The following TENM4 variants were observed in gnomAD, a reference collection of about 807,000 sequenced individuals.
TENM4 encodes teneurin transmembrane protein 4.
In TENM4, 82 loss-of-function variants were observed where a neutral mutation model predicts 243.3. The observed-to-expected ratio is 0.34, with a 90% CI of 0.28 to 0.40. The LOEUF (loss-of-function observed/expected upper bound fraction) is 0.40. TENM4 is among the 10% of genes least tolerant of loss of function. TENM4 has a pLI of 1.00. For missense variants in TENM4, 3,138 were observed against 3,673.3 expected (o/e 0.85, Z 3.77); for synonymous variants, 1,412 against 1,456.3 (o/e 0.97, Z 0.69).
chr11:78,833,770 T>C (rs1858035564), intron 12 of TENM4, among the ~76,000 whole-genome samples: 1 of 151,994 alleles, frequency 6.6e-6, no homozygotes, highest in African/African-American at 2.4e-5. Context: ...TTTAAGATCT[T>C]GCATGGCTGA....
chr11:79,210,064 G>A (rs539678294), intron 3 of TENM4, among the ~76,000 whole-genome samples: 1 of 152,244 alleles, frequency 6.6e-6, no homozygotes, highest in African/African-American at 2.4e-5. Flanking sequence ...CACCATATGG[G>A]ACAATATACT....
chr11:78,877,599 G>T (rs1302001176), intron 9 of TENM4, among the ~76,000 whole-genome samples: 1 of 152,202 alleles, frequency 6.6e-6, no homozygotes, highest in Non-Finnish European at 1.5e-5. Flanking sequence ...GCAGTTGGGG[G>T]TCCTTCCTGA....
intron 4 of TENM4, among the ~76,000 whole-genome samples, chr11:79,131,840 A>G (rs1467495904): frequency 6.6e-6 from 1 of 152,156 alleles, no homozygotes; most frequent in African/African-American, 2.4e-5. Context: ...AAGGGGTGGG[A>G]AAAGGCATTT....
chr11:79,227,670 T>A (rs985316361), intron 2 of TENM4, among the ~76,000 whole-genome samples: 3 of 152,100 alleles, frequency 2.0e-5, no homozygotes, highest in African/African-American at 7.2e-5. Context: ...CCCCCGTAGG[T>A]CCAGTCAGCT....
chr11:78,812,287 C>A lies in TENM4; in HGVS notation c.1813G>T (p.Gly605Cys). 6.4e-7 allele frequency: 1 copy of A among 1,551,854 alleles called. No individual in the cohort carries two copies. Among genetic ancestry groups the A allele is most frequent in the Non-Finnish European group, 8.7e-7 (1 of 1,147,054 alleles). Residue 605 changes from glycine to cysteine, a missense_variant, in exon 14 of 34, where the codon GGC becomes TGC. Transcript: ENST00000278550. The stretch of plus-strand genomic sequence containing the variant: ...AAGCATCTGCCTTTCATGTATTGGC[C>A]ATTTCCGCTACAGAGCACGGGGCAG... Reference protein sequence around the residue: ...ASCPVLCSGNGQYMKGRCLCH... With the variant: ...ASCPVLCSGNCQYMKGRCLCH...
intron 2 of TENM4, among the ~76,000 whole-genome samples, chr11:79,256,032 G>A (rs1855695660): frequency 6.6e-6 from 1 of 152,150 alleles, no homozygotes; most frequent in Non-Finnish European, 1.5e-5. Flanking sequence ...TCCGGTTAGG[G>A]TTAGGCTATT....
chr11:79,311,683 C>G (rs572963955), intron 1 of TENM4, among the ~76,000 whole-genome samples: 1 of 152,284 alleles, frequency 6.6e-6, no homozygotes, highest in South Asian at 2.1e-4. Context: ...CCATGAACCT[C>G]CCTCCTAGTG....
chr11:79,375,138 G>T (rs531628674), intron 1 of TENM4, among the ~76,000 whole-genome samples: 26 of 152,184 alleles, frequency 1.7e-4, no homozygotes, highest in South Asian at 2.1e-4. Flanking sequence ...CAAGTTGATT[G>T]GTTAAATCAT....
chr11:79,248,589 A>C (rs546375107), intron 2 of TENM4, among the ~76,000 whole-genome samples: 2 of 152,348 alleles, frequency 1.3e-5, no homozygotes, highest in South Asian at 2.1e-4. Flanking sequence ...CCATAAAGGC[A>C]GTAAAAGGAT....
At chr11:79,236,857 C>T (rs1219493555) in intron 2 of TENM4, among the ~76,000 whole-genome samples, 1 of 152,106 alleles carries the variant, frequency 6.6e-6, no homozygotes, top group African/African-American at 2.4e-5. Context: ...TGGATCTTCC[C>T]ACCCACACAG....
At position 79,040,713 on chromosome 11, in the gene TENM4, G is replaced by C. The variant is rs551921953; in HGVS notation, c.493+24025C>G. 3.3e-5 allele frequency among the ~76,000 whole-genome samples: 5 copies of C among 152,252 alleles called. No homozygotes were observed. The South Asian group carries it at 1.0e-3, about 32-fold the overall frequency. ...GCCCCACTTGCCAAGCTCAAGGCAA[G>C]TCACATGGTGTTCAGGCCTCTTTAC... On this transcript the variant is annotated intron_variant, in intron 6 of 33. Transcript: ENST00000278550.
intron 6 of TENM4, among the ~76,000 whole-genome samples, chr11:78,928,715 T>G (rs1856605257): frequency 6.6e-6 from 1 of 152,230 alleles, no homozygotes; most frequent in African/African-American, 2.4e-5. Context: ...AATAAATTGT[T>G]GTAAGGATCA....
chr11:79,160,983 C>T (rs1862733429), intron 3 of TENM4, among the ~76,000 whole-genome samples: 1 of 152,182 alleles, frequency 6.6e-6, no homozygotes, highest in Non-Finnish European at 1.5e-5. Flanking sequence ...TTGCCTTCCA[C>T]TTCCTCTTCC....
At chr11:79,138,110 G>A (rs1038654491) in intron 4 of TENM4, among the ~76,000 whole-genome samples, 30 of 150,986 alleles carry the variant, frequency 2.0e-4, no homozygotes, top group South Asian at 2.1e-4. Context: ...AATATAAGCC[G>A]GCAGAAAAAT....
chr11:79,176,368 A>G (rs886185277), intron 3 of TENM4, among the ~76,000 whole-genome samples: 4 of 152,182 alleles, frequency 2.6e-5, no homozygotes, highest in Non-Finnish European at 5.9e-5. Context: ...AAAAAGATGC[A>G]TTCCACACTG....
At chr11:78,931,371 G>T (rs903584929) in intron 6 of TENM4, among the ~76,000 whole-genome samples, 2 of 152,214 alleles carry the variant, frequency 1.3e-5, no homozygotes, top group African/African-American at 4.8e-5. Context: ...AAGGGAGTTG[G>T]CTGGGCCCTG....
intron 6 of TENM4, among the ~76,000 whole-genome samples, chr11:79,036,597 C>A (rs898929683): frequency 1.3e-5 from 2 of 152,166 alleles, no homozygotes; most frequent in Non-Finnish European, 2.9e-5. Flanking sequence ...GGGAAAAAAG[C>A]CCAAAGAAGC....
intron 32 of TENM4, among the ~76,000 whole-genome samples, chr11:78,663,356 C>T (rs1363699369): frequency 2.6e-5 from 4 of 152,154 alleles, no homozygotes; most frequent in Non-Finnish European, 5.9e-5. Flanking sequence ...GAATATTTGT[C>T]CCCTCCAAAT....
At chr11:79,110,301 G>C (rs1324694918) in intron 4 of TENM4, among the ~76,000 whole-genome samples, 2 of 152,184 alleles carry the variant, frequency 1.3e-5, no homozygotes, top group Non-Finnish European at 2.9e-5. Context: ...AGCACACAGA[G>C]AATCTGGTGC....
Sources: allele counts gnomAD v4.1 joint callset (sites outside exome capture counted in the v4.1 genomes callset), GRCh38; gene constraint gnomAD v4.1.1; transcripts MANE v1.5; gene names NCBI Gene and HGNC (gene_info 2026-07-23, HGNC 2026-07-21).